ROBO2: variants seen among roughly 807,000 people sequenced by gnomAD.
ROBO2 encodes roundabout guidance receptor 2, also known as roundabout homolog 2.
Under a neutral mutation model 160.8 loss-of-function variants are expected in ROBO2, and 53 were observed. That is an observed-to-expected ratio of 0.33 (90% CI 0.26 to 0.41). The LOEUF is 0.41. ROBO2 is among the 10% of genes least tolerant of loss of function. The probability of loss-of-function intolerance (pLI) is 1.00; values close to 1 mark genes in which losing one functional copy is unlikely to be tolerated. For synonymous variants in ROBO2, 664 were observed against 611.7 expected, an observed-to-expected ratio of 1.09 and a Z score of -1.26; for missense variants, 1,577 against 1,722.4, an observed-to-expected ratio of 0.92 and a Z score of 1.49.
chr3:76,463,760 C>CT (rs925996686), intron 2 of ROBO2, among the ~76,000 whole-genome samples: 1 of 152,102 alleles, frequency 6.6e-6, no homozygotes, highest in Non-Finnish European at 1.5e-5. Flanking sequence ...CATAGTAACT[C>CT]TTTTCTTTGC....
At chr3:76,471,794 C>A (rs1370491533) in intron 2 of ROBO2, among the ~76,000 whole-genome samples, 2 of 152,030 alleles carry the variant, frequency 1.3e-5, no homozygotes, top group Non-Finnish European at 2.9e-5. Flanking sequence ...AGGAAACTTA[C>A]AATCATGGCA....
At chr3:77,500,934 G>A (rs1320285743) in intron 5 of ROBO2, among the ~76,000 whole-genome samples, 4 of 152,150 alleles carry the variant, frequency 2.6e-5, no homozygotes, top group African/African-American at 9.7e-5. Context: ...AATATGAAAT[G>A]CCTTGAAGTC....
At chr3:76,627,351 GT>G (rs2089719221) in intron 2 of ROBO2, among the ~76,000 whole-genome samples, 1 of 152,162 alleles carries the variant, frequency 6.6e-6, no homozygotes, top group Non-Finnish European at 1.5e-5. Context: ...TAAATGGGTT[GT>G]GTCTAACGGT....
At chr3:77,459,879 C>A (rs988054346) in intron 2 of ROBO2, among the ~76,000 whole-genome samples, 1 of 142,674 alleles carries the variant, frequency 7.0e-6, no homozygotes, top group African/African-American at 2.6e-5. Context: ...GAGGTCATAT[C>A]TCTTGAACCT....
chr3:76,129,711 T>C (rs1320514365), intron 2 of ROBO2, among the ~76,000 whole-genome samples: 38 of 151,302 alleles, frequency 2.5e-4, no homozygotes, highest in African/African-American at 2.4e-5. Flanking sequence ...CCTAAAACAT[T>C]AGGAGATGTG....
At chr3:77,071,725 A>G (rs1357664120) in intron 1 of ROBO2, among the ~76,000 whole-genome samples, 1 of 152,146 alleles carries the variant, frequency 6.6e-6, no homozygotes, top group Non-Finnish European at 1.5e-5. Flanking sequence ...TTTCTAGGCC[A>G]TTTAAAACGT....
intron 1 of ROBO2, among the ~76,000 whole-genome samples, chr3:77,066,280 C>T (rs2066829981): frequency 6.6e-6 from 1 of 151,974 alleles, no homozygotes; most frequent in Non-Finnish European, 1.5e-5. Context: ...ATCAAGATTG[C>T]CTTTACATTC....
At chr3:76,803,460 G>A (rs1264789501) in intron 2 of ROBO2, among the ~76,000 whole-genome samples, 5 of 135,698 alleles carry the variant, frequency 3.7e-5, no homozygotes, top group African/African-American at 1.3e-4. Context: ...AGGAAGGAAG[G>A]AAGAAAGGAA....
chr3:77,072,427 T>C (rs892475730), intron 1 of ROBO2, among the ~76,000 whole-genome samples: 1 of 152,260 alleles, frequency 6.6e-6, no homozygotes, highest in Middle Eastern at 3.4e-3. Flanking sequence ...AAAACCAGTT[T>C]CAGGTGCCAA....
intron 2 of ROBO2, among the ~76,000 whole-genome samples, chr3:76,502,424 G>T (rs1455314989): frequency 6.6e-6 from 1 of 152,170 alleles, no homozygotes; most frequent in African/African-American, 2.4e-5. Flanking sequence ...ACTGAAATAG[G>T]AGTAGTTTAA....
intron 2 of ROBO2, among the ~76,000 whole-genome samples, chr3:77,323,740 A>T (rs2065063525): frequency 6.6e-6 from 1 of 152,176 alleles, no homozygotes. Context: ...AGACACATCC[A>T]CACAAACACA....
At chr3:76,526,246 A>G (rs1008630085) in intron 2 of ROBO2, among the ~76,000 whole-genome samples, 8 of 152,060 alleles carry the variant, frequency 5.3e-5, no homozygotes, top group African/African-American at 1.9e-4. Context: ...CATAAGACTT[A>G]CAGTTCTCAT....
intron 2 of ROBO2, among the ~76,000 whole-genome samples, chr3:77,182,171 G>C (rs922176321): frequency 6.6e-6 from 1 of 152,058 alleles, no homozygotes; most frequent in African/African-American, 2.4e-5. Flanking sequence ...TGAGATTAAA[G>C]TACTGCCTAT....
At chr3:77,127,885 C>T (rs960758805) in intron 2 of ROBO2, among the ~76,000 whole-genome samples, 3 of 152,106 alleles carry the variant, frequency 2.0e-5, no homozygotes, top group African/African-American at 4.8e-5. Flanking sequence ...AATGAAGGAC[C>T]TTCCATTCAA....
chr3:76,131,603 C>G (rs752955784), intron 2 of ROBO2, among the ~76,000 whole-genome samples: 2 of 152,054 alleles, frequency 1.3e-5, no homozygotes, highest in African/African-American at 4.8e-5. Context: ...TGAGACCTGT[C>G]AGCAGCTGAG....
intron 2 of ROBO2, among the ~76,000 whole-genome samples, chr3:76,222,950 T>C (rs572910452): frequency 6.6e-6 from 1 of 152,088 alleles, no homozygotes; most frequent in African/African-American, 2.4e-5. Flanking sequence ...AGATGGAGTT[T>C]CACCGTATTA....
At chr3:77,390,472 G>C (rs1171692536) in intron 2 of ROBO2, among the ~76,000 whole-genome samples, 1 of 151,992 alleles carries the variant, frequency 6.6e-6, no homozygotes, top group Non-Finnish European at 1.5e-5. Flanking sequence ...TAAGTCTGAT[G>C]AGATCTGATG....
chr3:77,047,393 A>G (rs2064778292), intron 1 of ROBO2, among the ~76,000 whole-genome samples: 1 of 152,168 alleles, frequency 6.6e-6, no homozygotes, highest in Non-Finnish European at 1.5e-5. Flanking sequence ...TAAAAATATA[A>G]CGATATATAG....
chr3:76,124,933 T>A (rs1258001973), intron 2 of ROBO2, among the ~76,000 whole-genome samples: 4 of 152,154 alleles, frequency 2.6e-5, no homozygotes, highest in African/African-American at 9.7e-5. Context: ...GATTGGGGTA[T>A]GGATCCCATC....
Sources: gnomAD v4.1 joint callset for allele counts (sites outside exome capture counted in the v4.1 genomes callset) on GRCh38, gnomAD v4.1.1 for gene constraint, MANE v1.5 for transcripts, NCBI Gene and HGNC (gene_info 2026-07-23, HGNC 2026-07-21) for gene names.